DNER: variants seen among roughly 807,000 people sequenced by gnomAD.
The protein encoded by DNER is delta/notch like EGF repeat containing, also known as delta and Notch-like epidermal growth factor-related receptor.
DNER carries 33 observed loss-of-function variants against 78.2 expected under a neutral mutation model. The ratio of observed to expected loss-of-function variants is 0.42; its 90% CI spans 0.32 to 0.56. The LOEUF is 0.56. Ranked by LOEUF, DNER falls within the 20% of genes least tolerant of loss-of-function variation. DNER has a pLI of 0.11. For missense variants in DNER, 918 were observed against 975.3 expected (o/e 0.94, Z 0.78); for synonymous variants, 417 against 384.8 (o/e 1.08, Z -0.98).
At chr2:229,568,398 G>C (rs954004552) in intron 4 of DNER, among the ~76,000 whole-genome samples, 2 of 152,102 alleles carry the variant, frequency 1.3e-5, no homozygotes, top group Admixed American at 6.6e-5. Context: ...CCTTGGTAAG[G>C]GCTGCCTGCA....
In DNER at chr2:229,512,811, C is replaced by G. The variant is rs1695891945; in HGVS notation, c.1119G>C (p.Gly373=). ...GAAGGCAAACACAGGTGAAATTGCT[C>G]CCATCTTGCTTTTCATTTGCATCAA... The part of the protein sequence containing the change: ...SCIDANEKQD[G]SNFTCVCLPG... Residue 373 remains glycine, a synonymous_variant, in exon 6 of 13, where the codon GGG becomes GGC. Coordinates refer to ENST00000341772, the MANE Select transcript of DNER (RefSeq NM_139072.4). 6.2e-7 allele frequency: 1 copy of G among 1,614,102 alleles called. No individual in the cohort carries two copies. The highest frequency in any genetic ancestry group is 1.1e-5 in the South Asian group (1 of 91,064).
chr2:229,586,523 AAAAAAAAAAAAAAAAAAAAAAAAAAAAC>A (rs1378203832), intron 3 of DNER, among the ~76,000 whole-genome samples: 2 of 27,582 alleles, frequency 7.3e-5, no homozygotes, highest in East Asian at 9.8e-4. Flanking sequence ...AAAAAAAAAA[AAAAAAAAAAAAAAAAAAAAAAAAAAAAC>A]ACACAAAACC....
intron 5 of DNER, among the ~76,000 whole-genome samples, chr2:229,523,304 C>T (rs1003566066): frequency 2.6e-5 from 4 of 152,204 alleles, no homozygotes; most frequent in South Asian, 4.1e-4. Context: ...CTAGGGCTGC[C>T]GTAACGAAGT....
intron 10 of DNER, among the ~76,000 whole-genome samples, chr2:229,399,939 G>A (rs182333393): frequency 3.3e-5 from 5 of 151,948 alleles, no homozygotes; most frequent in African/African-American, 9.7e-5. Context: ...AGGGGTCTGG[G>A]GGGGAGCTGA....
intron 1 of DNER, among the ~76,000 whole-genome samples, chr2:229,711,741 T>C (rs1699916331): frequency 6.6e-6 from 1 of 152,140 alleles, no homozygotes; most frequent in African/African-American, 2.4e-5. Context: ...TTCCAATTTA[T>C]CCAGTGAGCA....
At chr2:229,394,911 C>A (rs1490953739) in intron 10 of DNER, among the ~76,000 whole-genome samples, 1 of 152,244 alleles carries the variant, frequency 6.6e-6, no homozygotes, top group South Asian at 2.1e-4. Context: ...TCTCCATTTA[C>A]ATCTGTCTGT....
intron 1 of DNER, among the ~76,000 whole-genome samples, chr2:229,698,983 G>A (rs1699703390): frequency 6.6e-6 from 1 of 152,134 alleles, no homozygotes; most frequent in African/African-American, 2.4e-5. Context: ...GGGGAAAGGA[G>A]CTAAAAATAC....
intron 1 of DNER, among the ~76,000 whole-genome samples, chr2:229,693,926 C>A (rs1170767144): frequency 6.6e-6 from 1 of 152,232 alleles, no homozygotes; most frequent in Admixed American, 6.5e-5. Flanking sequence ...GTCTCCAGGG[C>A]ATGTCAGAGA....
At chr2:229,480,254 T>C (rs1156324087) in intron 6 of DNER, among the ~76,000 whole-genome samples, 2 of 152,232 alleles carry the variant, frequency 1.3e-5, no homozygotes, top group Non-Finnish European at 2.9e-5. Flanking sequence ...TTTAATTTCA[T>C]CTAGTCTCTT....
At chr2:229,566,458 T>C (rs1411242690) in intron 4 of DNER, among the ~76,000 whole-genome samples, 1 of 152,196 alleles carries the variant, frequency 6.6e-6, no homozygotes, top group East Asian at 1.9e-4. Flanking sequence ...TGTATTGCAA[T>C]GAAGCCCCAG....
intron 5 of DNER, among the ~76,000 whole-genome samples, chr2:229,538,919 T>C (rs188311724): frequency 9.2e-5 from 14 of 152,308 alleles, no homozygotes; most frequent in Non-Finnish European, 1.8e-4. Context: ...GTATTTCCCA[T>C]CCACTATCCC....
rs532576090 is a variant in DNER, at chr2:229,424,760, C to T, written c.1487-6530G>A. 9.9e-5 allele frequency among the ~76,000 whole-genome samples: 15 copies of T among 152,222 alleles called. 1 individual carries two copies. The highest frequency in any genetic ancestry group is 2.6e-4 in the African/African-American group (11 of 41,550). On this transcript the variant is annotated intron_variant, in intron 8 of 12. Transcript: ENST00000341772. ...TTGGGGTGGAGGGCCTAATTTAGTC[C>T]TTAACACCTAGAATCTGAGTTTCTC...
chr2:229,622,105 C>CA (rs1020190437), intron 1 of DNER, among the ~76,000 whole-genome samples: 14 of 151,774 alleles, frequency 9.2e-5, no homozygotes, highest in African/African-American at 2.9e-4. Context: ...AACAAACAAA[C>CA]AAAAAAAAGA....
intron 9 of DNER, among the ~76,000 whole-genome samples, chr2:229,417,078 G>A (rs1194227815): frequency 2.0e-5 from 3 of 152,274 alleles, no homozygotes; most frequent in South Asian, 2.1e-4. Flanking sequence ...GGTTCTAACC[G>A]AACGTCATAC....
At chr2:229,656,218 A>G (rs1243888375) in intron 1 of DNER, among the ~76,000 whole-genome samples, 3 of 152,204 alleles carry the variant, frequency 2.0e-5, no homozygotes, top group Non-Finnish European at 4.4e-5. Context: ...CTGCAGTCTC[A>G]TGGGAAACAG....
chr2:229,560,271 A>G (rs541601513), intron 4 of DNER, among the ~76,000 whole-genome samples: 1 of 152,362 alleles, frequency 6.6e-6, no homozygotes, highest in African/African-American at 2.4e-5. Context: ...AAGGGAAAGC[A>G]TAAGTGGAAA....
intron 12 of DNER, among the ~76,000 whole-genome samples, chr2:229,364,498 T>C (rs1692296170): frequency 6.6e-6 from 1 of 152,152 alleles, no homozygotes; most frequent in South Asian, 2.1e-4. Context: ...TTGTATTGCC[T>C]CAGTTCGCTC....
chr2:229,393,630 G>A (rs555169010), intron 10 of DNER, among the ~76,000 whole-genome samples: 66 of 152,054 alleles, frequency 4.3e-4, no homozygotes, highest in African/African-American at 1.3e-3. Context: ...GGTGGATCAC[G>A]AGGTCAGGAG....
At chr2:229,433,055 T>A (rs1276408993) in intron 8 of DNER, among the ~76,000 whole-genome samples, 1 of 152,194 alleles carries the variant, frequency 6.6e-6, no homozygotes, top group East Asian at 1.9e-4. Flanking sequence ...TTCTCCTGCC[T>A]TAGCCTCCTG....
Sources: gnomAD v4.1 joint callset for allele counts (sites outside exome capture counted in the v4.1 genomes callset) on GRCh38, gnomAD v4.1.1 for gene constraint, MANE v1.5 for transcripts, NCBI Gene and HGNC (gene_info 2026-07-23, HGNC 2026-07-21) for gene names.